CPXM2: variants seen among roughly 807,000 people sequenced by gnomAD.
CPXM2 encodes the protein carboxypeptidase X, M14 family member 2, also known as inactive carboxypeptidase-like protein X2.
In CPXM2, 66 loss-of-function variants were observed where a neutral mutation model predicts 86.1. That is an observed-to-expected ratio of 0.77 (90% CI 0.63 to 0.94). The LOEUF is 0.94. Among genes scored for constraint, CPXM2 ranks in the 40% least tolerant of loss-of-function variants. The pLI, the probability that CPXM2 is intolerant of heterozygous loss-of-function variation, is 0.00. For missense variants in CPXM2, 948 were observed against 1,026.3 expected (o/e 0.92, Z 1.04); for synonymous variants, 388 against 400.2 (o/e 0.97, Z 0.36).
chr10:123,793,462 CAAAAAAAAA>C (rs34757620), intron 6 of CPXM2, among the ~76,000 whole-genome samples: 6 of 59,260 alleles, frequency 1.0e-4, no homozygotes, highest in South Asian at 1.5e-3. Context: ...GACTCCGTCT[CAAAAAAAAA>C]AAAAAAAAAA....
intron 2 of CPXM2, among the ~76,000 whole-genome samples, chr10:123,911,878 TCTTGC>T (rs1945491070): frequency 6.6e-6 from 1 of 152,000 alleles, no homozygotes; most frequent in Non-Finnish European, 1.5e-5. Flanking sequence ...CAACCTCAAT[TCTTGC>T]CTCCTCCGAA....
chr10:123,751,955 C>G (rs1846088087), intron 13 of CPXM2: 6 of 985,260 alleles, frequency 6.1e-6, no homozygotes, highest in Non-Finnish European at 7.2e-6. Flanking sequence ...ACCCATTAGG[C>G]AAAGTATTCT....
At chr10:123,834,579 G>A (rs997949267) in intron 4 of CPXM2, among the ~76,000 whole-genome samples, 31 of 152,176 alleles carry the variant, frequency 2.0e-4, no homozygotes, top group African/African-American at 7.0e-4. Context: ...TGTGTTTGTG[G>A]AACAAAAAGG....
intron 3 of CPXM2, among the ~76,000 whole-genome samples, chr10:123,851,768 C>CAA (rs58638640): frequency 0.059 from 5,982 of 100,966 alleles, 483 homozygotes; most frequent in African/African-American, 0.19. Context: ...GACATCATCT[C>CAA]AAAAAAAAAA....
chr10:123,939,161 T>C (rs1590132130), intron 2 of CPXM2, among the ~76,000 whole-genome samples: 1 of 152,300 alleles, frequency 6.6e-6, no homozygotes. Flanking sequence ...AGAGCCGTAG[T>C]ATTGGGAACC....
At chr10:123,927,956 C>T (rs1285521541) in intron 2 of CPXM2, among the ~76,000 whole-genome samples, 1 of 152,194 alleles carries the variant, frequency 6.6e-6, no homozygotes, top group Non-Finnish European at 1.5e-5. Flanking sequence ...CCAGGATCTG[C>T]ACACCCCTGA....
At position 123,803,118 on chromosome 10, in the gene CPXM2, C is replaced by CTTTTTTTTTT. The variant is rs532954173; in HGVS notation, c.654-3929_654-3920dup. On this transcript the variant is annotated intron_variant, in intron 4 of 13. Coordinates refer to ENST00000241305, the MANE Select transcript of CPXM2 (RefSeq NM_198148.3). ...TCCTTTTCATCCTCTTTGTAGTACCCTTTTTTTTTTTTTTTTTTTTTTTTT... is the reference window on the plus strand; with the variant it reads ...TCCTTTTCATCCTCTTTGTAGTACCCTTTTTTTTTTTTTTTTTTTTTTTTTTTTTTTTTTT... Among the ~76,000 whole-genome samples the CTTTTTTTTTT allele has an allele frequency of 2.5e-3, 158 of 63,624 alleles. 22 individuals carry two copies. The highest frequency in any genetic ancestry group is 3.6e-3 in the Non-Finnish European group (116 of 32,514). 41.7% of individuals were successfully genotyped at this position (63,624 alleles called of 152,430 possible). A position where few individuals can be genotyped will look rare whatever the true frequency, so the allele number is the denominator to read the frequency against.
chr10:123,813,147 T>TA (rs894977579), intron 4 of CPXM2, among the ~76,000 whole-genome samples: 8 of 152,048 alleles, frequency 5.3e-5, no homozygotes, highest in Non-Finnish European at 1.0e-4. Context: ...GTTTTATAAG[T>TA]AAAAAAAATA....
chr10:123,901,429 TTGTGTGTGTGTGTGTGTGTG>T (rs3069582), intron 2 of CPXM2, among the ~76,000 whole-genome samples: 1 of 138,954 alleles, frequency 7.2e-6, no homozygotes, highest in African/African-American at 2.8e-5. Flanking sequence ...CCAAGCAAGT[TTGTGTGTGTGTGTGTGTGTG>T]TGTGTGTGTG....
intron 4 of CPXM2, among the ~76,000 whole-genome samples, chr10:123,841,558 T>G (rs1848386330): frequency 6.6e-6 from 1 of 152,190 alleles, no homozygotes; most frequent in African/African-American, 2.4e-5. Context: ...AATTTCTGCC[T>G]CTGTACATCT....
At chr10:123,778,435 C>T (rs373537400) in intron 7 of CPXM2, among the ~76,000 whole-genome samples, 33 of 152,306 alleles carry the variant, frequency 2.2e-4, no homozygotes, top group African/African-American at 7.9e-4. Flanking sequence ...TAGTTGATAA[C>T]TGCTGAGCTG....
intron 3 of CPXM2, among the ~76,000 whole-genome samples, chr10:123,861,517 G>T (rs770703077): frequency 6.6e-5 from 10 of 152,112 alleles, no homozygotes; most frequent in Non-Finnish European, 1.3e-4. Flanking sequence ...AGGAATGAGG[G>T]TCACAGATGG....
At chr10:123,776,154 C>T (rs1041044462) in intron 7 of CPXM2, among the ~76,000 whole-genome samples, 1 of 152,044 alleles carries the variant, frequency 6.6e-6, no homozygotes, top group Non-Finnish European at 1.5e-5. Flanking sequence ...TGTGGTCCCC[C>T]AAAGCTCAAC....
Position 123,762,186 on chromosome 10 carries a change from T to C in CPXM2, c.1480-17A>G. The C allele has an allele frequency of 6.2e-7, 1 of 1,614,082 alleles. No individual in the cohort carries two copies. Among genetic ancestry groups the C allele is most frequent in the African/African-American group, 1.3e-5 (1 of 75,048 alleles). On this transcript the variant is annotated splice_polypyrimidine_tract_variant and intron_variant, in intron 10 of 13. Coordinates refer to ENST00000241305, the MANE Select transcript of CPXM2 (RefSeq NM_198148.3). Reference sequence around the variant, plus strand: ...GGCAGCCACCTGTGAACATCCCAAATGGACGAGTAAAATAAGCAGGAAGTC... The same window carrying C: ...GGCAGCCACCTGTGAACATCCCAAACGGACGAGTAAAATAAGCAGGAAGTC...
At chr10:123,771,086 A>T in intron 7 of CPXM2, 47 bp from the exon 8 acceptor site, 2 of 1,586,094 alleles carry the variant, frequency 1.3e-6, no homozygotes, top group Non-Finnish European at 1.7e-6. Flanking sequence ...ATGACGATGC[A>T]CTAAAAGGAC....
chr10:123,895,615 T>A (rs1034652146), upstream of CPXM2, among the ~76,000 whole-genome samples: 12 of 152,246 alleles, frequency 7.9e-5, no homozygotes, highest in Admixed American at 2.0e-4. Flanking sequence ...TCTCTAGGAC[T>A]TTTTTGTTCT....
chr10:123,918,241 C>T (rs182862190), intron 2 of CPXM2, among the ~76,000 whole-genome samples: 9 of 152,180 alleles, frequency 5.9e-5, no homozygotes, highest in Admixed American at 2.6e-4. Flanking sequence ...GACCTAAAAT[C>T]GAATAGGGAG....
At chr10:123,938,523 C>T (rs2134293643) in intron 2 of CPXM2, among the ~76,000 whole-genome samples, 1 of 152,272 alleles carries the variant, frequency 6.6e-6, no homozygotes, top group Admixed American at 6.5e-5. Flanking sequence ...AACAATTTTC[C>T]CAATAGTCTC....
At chr10:123,756,407 G>A (rs896192335) in intron 12 of CPXM2, among the ~76,000 whole-genome samples, 8 of 152,104 alleles carry the variant, frequency 5.3e-5, no homozygotes, top group African/African-American at 1.9e-4. Context: ...GACAGCCTAC[G>A]GCAGGGAGGT....
Sources: allele counts gnomAD v4.1 joint callset (sites outside exome capture counted in the v4.1 genomes callset), GRCh38; gene constraint gnomAD v4.1.1; transcripts MANE v1.5; gene names NCBI Gene and HGNC (gene_info 2026-07-23, HGNC 2026-07-21).